The following CERS6 variants were observed in gnomAD, a reference collection of about 807,000 sequenced individuals.
CERS6 encodes the protein LAG1 homolog, ceramide synthase 6.
CERS6 carries 26 observed loss-of-function variants against 56.8 expected under a neutral mutation model. That is an observed-to-expected ratio of 0.46 (90% CI 0.34 to 0.63). The LOEUF (loss-of-function observed/expected upper bound fraction) is 0.63, where lower values mean the gene tolerates loss of function less well. CERS6 is among the 30% of genes least tolerant of loss of function. CERS6 has a pLI of 0.01. For synonymous variants in CERS6, 164 were observed against 173.3 expected, an observed-to-expected ratio of 0.95 and a Z score of 0.42; for missense variants, 415 against 467.5, an observed-to-expected ratio of 0.89 and a Z score of 1.04.
At chr2:168,675,154 A>G (rs934660242) in intron 4 of CERS6, among the ~76,000 whole-genome samples, 18 of 151,916 alleles carry the variant, frequency 1.2e-4, no homozygotes, top group Non-Finnish European at 2.2e-4. Flanking sequence ...TTTGTATTTT[A>G]GTAGAGACGG....
intron 8 of CERS6, among the ~76,000 whole-genome samples, chr2:168,761,281 T>A (rs375733929): frequency 6.6e-6 from 1 of 152,150 alleles, no homozygotes; most frequent in South Asian, 2.1e-4. Flanking sequence ...TGCCACTGAT[T>A]GTCATGGCAA....
intron 1 of CERS6, among the ~76,000 whole-genome samples, chr2:168,544,965 TG>T (rs1335162816): frequency 6.6e-6 from 1 of 152,004 alleles, no homozygotes; most frequent in Non-Finnish European, 1.5e-5. Context: ...TAGCTGAGGC[TG>T]GTGAGCCGCT....
At chr2:168,668,384 A>G (rs1685820215) in intron 4 of CERS6, among the ~76,000 whole-genome samples, 1 of 151,978 alleles carries the variant, frequency 6.6e-6, no homozygotes, top group Non-Finnish European at 1.5e-5. Flanking sequence ...AGCATGTCCT[A>G]AGGAGTCCTT....
In CERS6 at chr2:168,748,989, C is replaced by T. The variant is rs188650193; in HGVS notation, c.846-16603C>T. 3.3e-5 allele frequency among the ~76,000 whole-genome samples: 5 copies of T among 150,452 alleles called. 1 individual carries two copies. In the East Asian group the frequency reaches 9.8e-4, roughly 30 times the overall value. ...TGATTCCTGCCTCCCCCATCCCTTC[C>T]TCCCCCTCTGTCTTACCATTTCCTC... On this transcript the variant is annotated intron_variant, in intron 8 of 9. Transcript: ENST00000305747.
At position 168,611,900 on chromosome 2, in the gene CERS6, T is replaced by C. The variant is rs533795397; in HGVS notation, c.408-19085T>C. On this transcript the variant is annotated intron_variant, in intron 3 of 9. Transcript: ENST00000305747. ...CCTTCATTCTACACTTGTGTCTTCT[T>C]CAAATCTAATAGGAGATGTCTGTCC... Among the ~76,000 whole-genome samples, 9 of 152,322 alleles carry C rather than the reference T, an allele frequency of 5.9e-5. No individual in the cohort carries two copies. In the South Asian group the frequency reaches 1.9e-3, roughly 32 times the overall value.
chr2:168,603,000 A>G (rs1346529783), intron 3 of CERS6, among the ~76,000 whole-genome samples: 2 of 152,090 alleles, frequency 1.3e-5, no homozygotes, highest in Non-Finnish European at 2.9e-5. Flanking sequence ...CTGCCTCTAC[A>G]TAGCTCAATT....
chr2:168,701,343 T>C (rs1158631857), intron 6 of CERS6, among the ~76,000 whole-genome samples: 1 of 152,184 alleles, frequency 6.6e-6, no homozygotes, highest in Non-Finnish European at 1.5e-5. Context: ...TCTCAAAATA[T>C]GCTCTTTGAA....
chr2:168,540,084 T>C (rs1261371444), intron 1 of CERS6, among the ~76,000 whole-genome samples: 1 of 152,176 alleles, frequency 6.6e-6, no homozygotes, highest in East Asian at 1.9e-4. Context: ...AGGCCACAAA[T>C]ACCCTTAGTT....
At chr2:168,671,774 T>C (rs1255058191) in intron 4 of CERS6, among the ~76,000 whole-genome samples, 1 of 152,210 alleles carries the variant, frequency 6.6e-6, no homozygotes, top group African/African-American at 2.4e-5. Context: ...GCTAAATTGA[T>C]ACATTTTCAC....
chr2:168,498,670 A>G (rs781375323), intron 1 of CERS6, among the ~76,000 whole-genome samples: 40 of 152,224 alleles, frequency 2.6e-4, no homozygotes, highest in Non-Finnish European at 4.6e-4. Flanking sequence ...AAAGGACACA[A>G]TAGCCGTTTG....
intron 1 of CERS6, among the ~76,000 whole-genome samples, chr2:168,462,459 T>C (rs1237068621): frequency 6.6e-6 from 1 of 152,212 alleles, no homozygotes; most frequent in African/African-American, 2.4e-5. Context: ...TTTCATAAGT[T>C]TTTTTTGGTC....
chr2:168,543,960 C>A (rs578047709), intron 1 of CERS6, among the ~76,000 whole-genome samples: 3 of 152,106 alleles, frequency 2.0e-5, no homozygotes, highest in African/African-American at 7.2e-5. Context: ...AAATGCAAAG[C>A]CCCTTTGGAA....
At chr2:168,467,824 T>A (rs1693907511) in intron 1 of CERS6, among the ~76,000 whole-genome samples, 1 of 152,178 alleles carries the variant, frequency 6.6e-6, no homozygotes, top group Non-Finnish European at 1.5e-5. Flanking sequence ...TGAGAAATAC[T>A]GTTCTGTAAT....
intron 4 of CERS6, among the ~76,000 whole-genome samples, chr2:168,651,694 G>A (rs779312846): frequency 1.3e-5 from 2 of 152,160 alleles, no homozygotes; most frequent in African/African-American, 4.8e-5. Context: ...AGAGCAGCAT[G>A]GGAGGAACCA....
At chr2:168,525,587 A>G (rs1695056053) in intron 1 of CERS6, among the ~76,000 whole-genome samples, 1 of 152,226 alleles carries the variant, frequency 6.6e-6, no homozygotes, top group Non-Finnish European at 1.5e-5. Context: ...GGCTTGAGGA[A>G]ATTTAAACAT....
chr2:168,759,709 T>A (rs1447410736), intron 8 of CERS6, among the ~76,000 whole-genome samples: 2 of 152,174 alleles, frequency 1.3e-5, no homozygotes, highest in African/African-American at 4.8e-5. Flanking sequence ...AGAACTATTA[T>A]ACAGTTCTTT....
intron 1 of CERS6, among the ~76,000 whole-genome samples, chr2:168,480,942 C>T (rs1327756244): frequency 2.6e-5 from 4 of 152,016 alleles, no homozygotes; most frequent in Admixed American, 2.0e-4. Flanking sequence ...GAAAGATAGC[C>T]GGGAATTAGG....
chr2:168,720,609 T>G (rs1687339706), intron 8 of CERS6, among the ~76,000 whole-genome samples: 1 of 152,196 alleles, frequency 6.6e-6, no homozygotes, highest in African/African-American at 2.4e-5. Context: ...TGTGCTGAAG[T>G]TTCCTCATCT....
chr2:168,531,603 C>T (rs1695167705), intron 1 of CERS6, among the ~76,000 whole-genome samples: 1 of 152,136 alleles, frequency 6.6e-6, no homozygotes, highest in South Asian at 2.1e-4. Context: ...GGGTGGATCA[C>T]CTGAGCTCAG....
Sources: gnomAD v4.1 joint callset for allele counts (sites outside exome capture counted in the v4.1 genomes callset) on GRCh38, gnomAD v4.1.1 for gene constraint, MANE v1.5 for transcripts, NCBI Gene and HGNC (gene_info 2026-07-23, HGNC 2026-07-21) for gene names.